RALGPS1: variants seen among roughly 807,000 people sequenced by gnomAD.
The protein encoded by RALGPS1 is ras-specific guanine nucleotide-releasing factor RalGPS1.
RALGPS1 carries 19 observed loss-of-function variants against 78.8 expected under a neutral mutation model. The ratio of observed to expected loss-of-function variants is 0.24; its 90% confidence interval spans 0.17 to 0.35. RALGPS1 has a LOEUF of 0.35. Ranked by LOEUF, RALGPS1 falls within the 10% of genes least tolerant of loss-of-function variation. The probability of loss-of-function intolerance (pLI) is 1.00; values close to 1 mark genes in which losing one functional copy is unlikely to be tolerated. For missense variants in RALGPS1, 454 were observed against 688.3 expected, an observed-to-expected ratio of 0.66 and a Z score of 3.81; for synonymous variants, 228 against 256.3, an observed-to-expected ratio of 0.89 and a Z score of 1.06.
intron 8 of RALGPS1, among the ~76,000 whole-genome samples, chr9:127,118,827 G>A (rs1294901836): frequency 2.0e-5 from 3 of 152,234 alleles, no homozygotes; most frequent in Non-Finnish European, 2.9e-5. Context: ...GAGGCCAGTT[G>A]CTGAATGTAC....
chr9:126,929,705 C>T (rs1045841258), intron 1 of RALGPS1, among the ~76,000 whole-genome samples: 3 of 152,140 alleles, frequency 2.0e-5, no homozygotes, highest in Non-Finnish European at 4.4e-5. Flanking sequence ...CTCAGGTAAT[C>T]TGCCTGCCTT....
At chr9:127,024,622 G>A (rs75990343) in intron 4 of RALGPS1, among the ~76,000 whole-genome samples, 606 of 152,078 alleles carry the variant, frequency 4.0e-3, no homozygotes, top group Non-Finnish European at 7.2e-3. Flanking sequence ...TACTATGCCA[G>A]GATTGTGTTT....
At chr9:127,017,291 T>A (rs2044939018) in intron 4 of RALGPS1, among the ~76,000 whole-genome samples, 1 of 152,226 alleles carries the variant, frequency 6.6e-6, no homozygotes, top group Non-Finnish European at 1.5e-5. Flanking sequence ...TACAAACCTG[T>A]ACAGCGTGAG....
At chr9:126,925,001 C>T (rs899066025) in intron 1 of RALGPS1, among the ~76,000 whole-genome samples, 1 of 152,068 alleles carries the variant, frequency 6.6e-6, no homozygotes, top group Non-Finnish European at 1.5e-5. Flanking sequence ...GTGGCACATG[C>T]CTGTAATCCC....
intron 7 of RALGPS1, among the ~76,000 whole-genome samples, chr9:127,067,259 A>T (rs924287389): frequency 1.3e-5 from 2 of 152,138 alleles, no homozygotes; most frequent in Non-Finnish European, 2.9e-5. Context: ...TAGCATCCCC[A>T]CACTGAGATG....
intron 4 of RALGPS1, among the ~76,000 whole-genome samples, chr9:127,021,627 C>CTTT (rs58796181): frequency 9.8e-5 from 13 of 131,998 alleles, no homozygotes; most frequent in African/African-American, 3.5e-4. Flanking sequence ...TCTTCTTCTT[C>CTTT]TTTTTTTTTT....
chr9:126,968,063 C>T (rs950658708), intron 3 of RALGPS1, among the ~76,000 whole-genome samples: 9 of 145,540 alleles, frequency 6.2e-5, no homozygotes, highest in Non-Finnish European at 1.2e-4. Context: ...AGTGCAGTGG[C>T]AGGATCTTGG....
intron 8 of RALGPS1, among the ~76,000 whole-genome samples, chr9:127,099,278 C>T (rs573252230): frequency 1.3e-5 from 2 of 152,184 alleles, no homozygotes; most frequent in Non-Finnish European, 2.9e-5. Context: ...TTAGTCCATA[C>T]GCAGGCACTA....
At chr9:127,001,836 A>G (rs1034739125) in intron 4 of RALGPS1, among the ~76,000 whole-genome samples, 1 of 152,242 alleles carries the variant, frequency 6.6e-6, no homozygotes, top group East Asian at 1.9e-4. Context: ...GTGAGCCGAG[A>G]TCGTGCCATT....
intron 4 of RALGPS1, among the ~76,000 whole-genome samples, chr9:127,003,353 A>G (rs957988966): frequency 6.6e-6 from 1 of 152,120 alleles, no homozygotes; most frequent in Non-Finnish European, 1.5e-5. Flanking sequence ...AAACAAATTT[A>G]CAAGAAAAAA....
Position 126,962,240 on chromosome 9 carries a change from G to T in RALGPS1, c.-50G>T. ...TGCCTTGCAGGACTTCTCCAGACAGGTTATGTTACCTGCAGAGGCTGCCCT... is the reference window on the plus strand; with the variant it reads ...TGCCTTGCAGGACTTCTCCAGACAGTTTATGTTACCTGCAGAGGCTGCCCT... On this transcript the variant is annotated 5_prime_UTR_variant, in exon 2 of 19. Transcript: ENST00000259351. 2 of 1,598,750 alleles carry T rather than the reference G, an allele frequency of 1.3e-6. No homozygotes were observed. The highest frequency in any genetic ancestry group is 8.6e-7 in the Non-Finnish European group (1 of 1,166,602).
chr9:126,969,230 G>A (rs1310539947), intron 3 of RALGPS1, among the ~76,000 whole-genome samples: 1 of 152,048 alleles, frequency 6.6e-6, no homozygotes, highest in Non-Finnish European at 1.5e-5. Flanking sequence ...TTCAAAATCC[G>A]ATGTGTGTGT....
intron 4 of RALGPS1, among the ~76,000 whole-genome samples, chr9:127,006,931 A>G (rs1168784847): frequency 6.6e-6 from 1 of 151,986 alleles, no homozygotes; most frequent in African/African-American, 2.4e-5. Flanking sequence ...CATGAAAGGG[A>G]GAGAGGGAGA....
chr9:127,020,386 CA>C (rs2045328724), intron 4 of RALGPS1, among the ~76,000 whole-genome samples: 1 of 152,200 alleles, frequency 6.6e-6, no homozygotes, highest in Admixed American at 6.5e-5. Context: ...CCCTGCAGCA[CA>C]TGAGGATCAA....
intron 1 of RALGPS1, among the ~76,000 whole-genome samples, chr9:126,919,495 A>C (rs1274623688): frequency 6.6e-6 from 1 of 152,228 alleles, no homozygotes; most frequent in African/African-American, 2.4e-5. Context: ...CCTTGATTCA[A>C]AGTCCAGCTC....
At chr9:127,208,776 C>T (rs1018219729) in intron 14 of RALGPS1, among the ~76,000 whole-genome samples, 13 of 152,216 alleles carry the variant, frequency 8.5e-5, no homozygotes, top group African/African-American at 2.9e-4. Flanking sequence ...GGAAGATGCT[C>T]GTTTCAAGCT....
chr9:126,960,168 C>CT (rs2038740601), intron 1 of RALGPS1, among the ~76,000 whole-genome samples: 1 of 89,156 alleles, frequency 1.1e-5, no homozygotes, highest in Non-Finnish European at 2.2e-5. Context: ...CCTTCCTTCC[C>CT]TCCCTCCCTC....
At chr9:127,029,831 G>A (rs147756746) in intron 4 of RALGPS1, among the ~76,000 whole-genome samples, 2 of 152,314 alleles carry the variant, frequency 1.3e-5, no homozygotes, top group African/African-American at 2.4e-5. Context: ...TCACCTCAAG[G>A]CGTCTGACTC....
intron 5 of RALGPS1, among the ~76,000 whole-genome samples, chr9:127,045,909 TAAAAG>T (rs1316022159): frequency 1.3e-5 from 2 of 152,082 alleles, no homozygotes; most frequent in Non-Finnish European, 2.9e-5. Flanking sequence ...TGTTATTTGA[TAAAAG>T]GAACCAGCGT....
Sources: allele counts gnomAD v4.1 joint callset (sites outside exome capture counted in the v4.1 genomes callset), GRCh38; gene constraint gnomAD v4.1.1; transcripts MANE v1.5; gene names NCBI Gene and HGNC (gene_info 2026-07-23, HGNC 2026-07-21).